The following ITIH5 variants were observed in gnomAD, a reference collection of about 807,000 sequenced individuals.
ITIH5 encodes inter-alpha-trypsin inhibitor heavy chain 5, also known as inter-alpha-trypsin inhibitor heavy chain H5.
ITIH5 carries 65 observed loss-of-function variants against 77.5 expected under a neutral mutation model. The observed-to-expected ratio is 0.84, with a 90% CI of 0.69 to 1.03. The LOEUF (loss-of-function observed/expected upper bound fraction) is 1.03. ITIH5 is among the 50% of genes least tolerant of loss of function. The probability of loss-of-function intolerance (pLI) is 0.00; values close to 1 mark genes in which losing one functional copy is unlikely to be tolerated. For missense variants in ITIH5, 1,208 were observed against 1,213.1 expected, an observed-to-expected ratio of 1.00 and a Z score of 0.06; for synonymous variants, 525 against 494.3, an observed-to-expected ratio of 1.06 and a Z score of -0.82.
chr10:7,574,442 T>TAAATTTA (rs1554748284), intron 10 of ITIH5, among the ~76,000 whole-genome samples: 1 of 152,012 alleles, frequency 6.6e-6, no homozygotes, highest in Non-Finnish European at 1.5e-5. Flanking sequence ...AATTAAAATT[T>TAAATTTA]AAATTTAAAA....
At chr10:7,611,302 T>C (rs1360086039) in intron 7 of ITIH5, among the ~76,000 whole-genome samples, 1 of 152,264 alleles carries the variant, frequency 6.6e-6, no homozygotes, top group East Asian at 1.9e-4. Flanking sequence ...CATAATACTC[T>C]TAGCTATTTT....
At chr10:7,626,476 A>AT (rs1323889026) in intron 5 of ITIH5, among the ~76,000 whole-genome samples, 16 of 152,364 alleles carry the variant, frequency 1.1e-4, no homozygotes, top group African/African-American at 3.8e-4. Context: ...AAACCTTCAC[A>AT]TAACAACCAG....
At position 7,616,565 on chromosome 10, in the gene ITIH5, G is replaced by A. The variant is rs543747128; in HGVS notation, c.823-467C>T. 4.6e-5 allele frequency among the ~76,000 whole-genome samples: 7 copies of A among 152,240 alleles called. No individual in the cohort carries two copies. In the East Asian group the frequency reaches 1.4e-3, roughly 29 times the overall value. Reference sequence around the variant, plus strand: ...AACATGGACCAAGCGCGGTGGCTCAGGCCGGTAATCCCAGTGCTTTGGGAG... The same window carrying A: ...AACATGGACCAAGCGCGGTGGCTCAAGCCGGTAATCCCAGTGCTTTGGGAG... On this transcript the variant is annotated intron_variant, in intron 6 of 13. Coordinates refer to ENST00000397146, the MANE Select transcript of ITIH5 (RefSeq NM_030569.7).
In ITIH5 at chr10:7,629,067, G is replaced by T. The variant is rs1205456762; in HGVS notation, c.652+8161C>A. The stretch of plus-strand genomic sequence containing the variant: ...AGCGTGTGTCCATGTTGTAGCGTGT[G>T]CCCATGTTGTAGCGTGTATCCATGT... On this transcript the variant is annotated intron_variant, in intron 5 of 13. Transcript: ENST00000397146. Among the ~76,000 whole-genome samples the T allele has an allele frequency of 6.9e-5, 8 of 116,242 alleles. 1 individual carries two copies. Among genetic ancestry groups the T allele is most frequent in the African/African-American group, 2.2e-4 (8 of 36,028 alleles). 76.3% of individuals were successfully genotyped at this position (116,242 alleles called of 152,430 possible).
chr10:7,610,298 C>T (rs1429014819), intron 7 of ITIH5, among the ~76,000 whole-genome samples: 1 of 152,098 alleles, frequency 6.6e-6, no homozygotes, highest in African/African-American at 2.4e-5. Context: ...GATCATGTTC[C>T]CACTGGGATT....
intron 7 of ITIH5, among the ~76,000 whole-genome samples, chr10:7,611,930 T>A (rs1018135736): frequency 2.6e-5 from 4 of 151,016 alleles, no homozygotes; most frequent in Non-Finnish European, 5.9e-5. Flanking sequence ...TTTTTTTTTT[T>A]ACATATTTTG....
At chr10:7,624,668 A>ATTAGCCGGGCCTGGTGGCG (rs1833529226) in intron 5 of ITIH5, among the ~76,000 whole-genome samples, 1 of 145,324 alleles carries the variant, frequency 6.9e-6, no homozygotes, top group African/African-American at 2.6e-5. Context: ...AAATACAAAA[A>ATTAGCCGGGCCTGGTGGCG]TGAGCTACTA....
intron 8 of ITIH5, among the ~76,000 whole-genome samples, chr10:7,582,549 T>C (rs758071603): frequency 6.6e-6 from 1 of 152,188 alleles, no homozygotes; most frequent in Admixed American, 6.5e-5. Flanking sequence ...AATTTAGAGT[T>C]TGATGACCAT....
rs1240003234 is a variant in ITIH5, at chr10:7,615,789, CT to C, written c.939+192del. Among the ~76,000 whole-genome samples the C allele has an allele frequency of 3.3e-5, 5 of 152,364 alleles. No homozygotes were observed. The East Asian group carries it at 7.7e-4, about 23-fold the overall frequency. ...TTTCTACAGCACGTCCCTCTGCTCT[CT>C]TAAAACCACCACGCTGAAATACAGT... On this transcript the variant is annotated intron_variant, in intron 7 of 13. Transcript: ENST00000397146.
intron 8 of ITIH5, among the ~76,000 whole-genome samples, chr10:7,583,492 C>G (rs1027956047): frequency 7.9e-5 from 12 of 152,140 alleles, no homozygotes; most frequent in African/African-American, 2.9e-4. Context: ...GCTACCACGC[C>G]CAGCTGATTT....
chr10:7,635,028 A>C (rs1833777276), intron 5 of ITIH5, among the ~76,000 whole-genome samples: 1 of 152,208 alleles, frequency 6.6e-6, no homozygotes, highest in African/African-American at 2.4e-5. Context: ...CAAACTCCTG[A>C]TCTTCCCACC....
At chr10:7,576,111 A>G (rs1177822206) in intron 10 of ITIH5, among the ~76,000 whole-genome samples, 1 of 152,074 alleles carries the variant, frequency 6.6e-6, no homozygotes, top group Admixed American at 6.6e-5. Flanking sequence ...TGCAGCCTCA[A>G]ACTCCTGGGC....
chr10:7,585,827 A>C (rs75428263), intron 8 of ITIH5, 74 bp downstream of exon 8: 1 of 1,016,654 alleles, frequency 9.8e-7, no homozygotes, highest in Non-Finnish European at 1.3e-6. Context: ...TCTCTTGGCA[A>C]AAAAAAAAAA....
At chr10:7,653,428 G>C (rs1321160962) in intron 2 of ITIH5, among the ~76,000 whole-genome samples, 1 of 152,048 alleles carries the variant, frequency 6.6e-6, no homozygotes, top group Non-Finnish European at 1.5e-5. Context: ...GGCTGGTCTT[G>C]AACTCCAGAC....
Position 7,612,898 on chromosome 10 carries a change from T to C in ITIH5, c.939+3084A>G, listed in dbSNP as rs574347366. 3.9e-5 allele frequency among the ~76,000 whole-genome samples: 6 copies of C among 152,302 alleles called. No individual in the cohort carries two copies. The South Asian group carries it at 1.2e-3, about 32-fold the overall frequency. On this transcript the variant is annotated intron_variant, in intron 7 of 13. Transcript: ENST00000397146. ...GTTATTCTTCTGTCAGCATCGATCA[T>C]GCAGCCATCAATGTCACAAAACAAC...
intron 7 of ITIH5, 91 bp downstream of exon 7, chr10:7,615,891 G>A (rs1031368976): frequency 2.0e-5 from 16 of 789,350 alleles, no homozygotes; most frequent in South Asian, 1.2e-4. Context: ...TAAAGCTGAC[G>A]TTTGGCATCT....
In ITIH5 at chr10:7,576,698, C is replaced by T. The variant is rs761020991; in HGVS notation, c.1733G>A (p.Ser578Asn). Residue 578 changes from serine (S) to asparagine (N), a missense_variant, in exon 10 of 14, where the codon AGC (serine) becomes AAC (asparagine). By Grantham distance (46) the Ser-to-Asn change is conservative. Coordinates refer to ENST00000397146, the MANE Select transcript of ITIH5 (RefSeq NM_030569.7). The part of the protein sequence containing the change: ...GDTNHIERLW[S>N]YLTTKELLSS... The stretch of plus-strand genomic sequence containing the variant: ...CAGCAGCTCCTTTGTGGTGAGGTAG[C>T]TCCAGAGACGCTCGATGTGGTTGGT... 11 of 1,614,004 alleles carry T rather than the reference C, an allele frequency of 6.8e-6. No individual in the cohort carries two copies. The highest frequency in any genetic ancestry group is 1.6e-4 in the Middle Eastern group (1 of 6,084).
chr10:7,566,792 AAG>A (rs1554746809), intron 12 of ITIH5, among the ~76,000 whole-genome samples: 2,229 of 7,446 alleles, frequency 0.3, 927 homozygotes, highest in East Asian at 0.47. Flanking sequence ...AAGAAAGAAG[AAG>A]AAGAAGAGGA....
chr10:7,625,340 T>C lies in ITIH5; in HGVS notation c.653-8058A>G, dbSNP rs190492276. ...GACAGAAAGGAGAACAGTGGTTATCTGGGACCAGGGGGAAGGAGAGATGAG... is the reference window on the plus strand; with the variant it reads ...GACAGAAAGGAGAACAGTGGTTATCCGGGACCAGGGGGAAGGAGAGATGAG... On this transcript the variant is annotated intron_variant, in intron 5 of 13. Transcript: ENST00000397146. Among the ~76,000 whole-genome samples the C allele has an allele frequency of 1.5e-3, 224 of 152,294 alleles. 1 individual carries two copies. The highest frequency in any genetic ancestry group is 2.5e-3 in the Non-Finnish European group (168 of 68,020).
Sources: gnomAD v4.1 joint callset for allele counts (sites outside exome capture counted in the v4.1 genomes callset) on GRCh38, gnomAD v4.1.1 for gene constraint, MANE v1.5 for transcripts, NCBI Gene and HGNC (gene_info 2026-07-23, HGNC 2026-07-21) for gene names.